CCSER1: variants seen among roughly 807,000 people sequenced by gnomAD.
The protein encoded by CCSER1 is serine-rich coiled-coil domain-containing protein 1.
In CCSER1, 41 loss-of-function variants were observed where a neutral mutation model predicts 82.0. The observed-to-expected ratio is 0.50, with a 90% CI of 0.39 to 0.65. The LOEUF (loss-of-function observed/expected upper bound fraction) is 0.65, where lower values mean the gene tolerates loss of function less well. Ranked by LOEUF, CCSER1 falls within the 30% of genes least tolerant of loss-of-function variation. The probability of loss-of-function intolerance (pLI) is 0.00; values close to 1 mark genes in which losing one functional copy is unlikely to be tolerated. For synonymous variants in CCSER1, 414 were observed against 383.9 expected, an observed-to-expected ratio of 1.08 and a Z score of -0.92; for missense variants, 1,119 against 1,064.2, an observed-to-expected ratio of 1.05 and a Z score of -0.72.
At chr4:91,390,926 A>G (rs546269484) in intron 10 of CCSER1, among the ~76,000 whole-genome samples, 3 of 152,106 alleles carry the variant, frequency 2.0e-5, no homozygotes, top group African/African-American at 7.2e-5. Context: ...TATATCTCCT[A>G]TCTCACTTCT....
chr4:90,646,860 A>C (rs1414138812), intron 6 of CCSER1, among the ~76,000 whole-genome samples: 1 of 152,150 alleles, frequency 6.6e-6, no homozygotes, highest in Non-Finnish European at 1.5e-5. Flanking sequence ...TTTGCCAGAC[A>C]GAGCAAAAGT....
Position 90,250,450 on chromosome 4 carries a change from G to A in CCSER1, c.-41-57794G>A, listed in dbSNP as rs527510925. 3.9e-5 allele frequency among the ~76,000 whole-genome samples: 6 copies of A among 152,008 alleles called. No individual in the cohort carries two copies. The South Asian group carries it at 1.0e-3, about 26-fold the overall frequency. ...CTTCATTGTTTTGTCCCTGGGTCTG[G>A]GACCATCTGATGAAAAGACAATTCT... On this transcript the variant is annotated intron_variant, in intron 1 of 10. Coordinates refer to ENST00000509176, the MANE Select transcript of CCSER1 (RefSeq NM_001145065.2).
chr4:90,158,672 C>G (rs951458667), intron 1 of CCSER1, among the ~76,000 whole-genome samples: 13 of 152,314 alleles, frequency 8.5e-5, no homozygotes, highest in African/African-American at 3.1e-4. Flanking sequence ...GGCGTAGGAC[C>G]CTCTGAGCCA....
chr4:90,369,129 G>A (rs909356348), intron 3 of CCSER1, among the ~76,000 whole-genome samples: 1 of 151,484 alleles, frequency 6.6e-6, no homozygotes, highest in Non-Finnish European at 1.5e-5. Flanking sequence ...CCACTGGTCT[G>A]GCTAATTAAT....
chr4:91,317,246 A>G (rs566682876), intron 10 of CCSER1, among the ~76,000 whole-genome samples: 4 of 152,072 alleles, frequency 2.6e-5, no homozygotes, highest in Non-Finnish European at 5.9e-5. Flanking sequence ...ATCTCTTCCT[A>G]CCAGTCTCTC....
At chr4:90,723,870 C>T (rs760121000) in intron 6 of CCSER1, 44 bp from the exon 7 acceptor site, 1 of 986,508 alleles carries the variant, frequency 1.0e-6, no homozygotes, top group South Asian at 2.5e-5. Flanking sequence ...GTCAAAATGA[C>T]TACAAAACAA....
At chr4:91,494,782 T>G (rs2110077627) in intron 10 of CCSER1, among the ~76,000 whole-genome samples, 1 of 151,944 alleles carries the variant, frequency 6.6e-6, no homozygotes, top group African/African-American at 2.4e-5. Flanking sequence ...CAATCTAATC[T>G]TTATAAAAAC....
chr4:90,644,380 G>C (rs899087088), intron 6 of CCSER1, among the ~76,000 whole-genome samples: 2 of 152,038 alleles, frequency 1.3e-5, no homozygotes. Context: ...TTCACTTGTG[G>C]CACCATGTTG....
intron 6 of CCSER1, among the ~76,000 whole-genome samples, chr4:90,649,328 T>A (rs926041589): frequency 1.7e-4 from 26 of 152,186 alleles, no homozygotes; most frequent in African/African-American, 6.3e-4. Flanking sequence ...GATTAATTAC[T>A]ATTATAAACA....
intron 9 of CCSER1, among the ~76,000 whole-genome samples, chr4:90,974,891 A>C (rs1461959072): frequency 7.9e-5 from 12 of 151,394 alleles, no homozygotes; most frequent in Admixed American, 6.6e-4. Flanking sequence ...ATAAAAACTT[A>C]TGTTCACACA....
At chr4:90,214,663 A>G (rs1740683683) in intron 1 of CCSER1, among the ~76,000 whole-genome samples, 2 of 152,192 alleles carry the variant, frequency 1.3e-5, no homozygotes, top group Non-Finnish European at 2.9e-5. Context: ...CAAAGGCACA[A>G]TCAGAGTTTC....
At chr4:91,318,306 T>A (rs1023505289) in intron 10 of CCSER1, among the ~76,000 whole-genome samples, 1 of 152,038 alleles carries the variant, frequency 6.6e-6, no homozygotes, top group African/African-American at 2.4e-5. Flanking sequence ...AAGTAAATAA[T>A]TTTTATAAGT....
intron 7 of CCSER1, among the ~76,000 whole-genome samples, chr4:90,810,390 G>A (rs141119824): frequency 2.6e-5 from 4 of 152,138 alleles, no homozygotes; most frequent in Non-Finnish European, 5.9e-5. Context: ...GCTCATGCCT[G>A]TAATCCCAGC....
intron 5 of CCSER1, among the ~76,000 whole-genome samples, chr4:90,594,647 A>T (rs918541113): frequency 1.3e-5 from 2 of 152,164 alleles, no homozygotes; most frequent in Non-Finnish European, 2.9e-5. Context: ...GTGGCAAAGA[A>T]ATAGAAAAGT....
intron 5 of CCSER1, among the ~76,000 whole-genome samples, chr4:90,474,972 T>C (rs566256460): frequency 1.3e-3 from 197 of 152,250 alleles, no homozygotes; most frequent in African/African-American, 4.3e-3. Flanking sequence ...GAATTAGTAA[T>C]AGTTTAATGA....
At chr4:91,046,933 G>A (rs920905804) in intron 9 of CCSER1, among the ~76,000 whole-genome samples, 31 of 152,064 alleles carry the variant, frequency 2.0e-4, no homozygotes, top group African/African-American at 7.2e-4. Context: ...GGCCAAGATG[G>A]TCTCGATCTC....
intron 8 of CCSER1, among the ~76,000 whole-genome samples, chr4:90,851,560 G>C (rs57906524): frequency 6.7e-6 from 1 of 149,322 alleles, no homozygotes; most frequent in Admixed American, 6.7e-5. Flanking sequence ...CATTTTATTG[G>C]CTACTTATAG....
chr4:91,099,343 T>C (rs1724830208), intron 10 of CCSER1, among the ~76,000 whole-genome samples: 1 of 152,178 alleles, frequency 6.6e-6, no homozygotes, highest in Non-Finnish European at 1.5e-5. Flanking sequence ...ACAGTGTGAA[T>C]TTAAGATCAA....
intron 8 of CCSER1, 23 bp downstream of exon 8, chr4:90,815,868 C>T (rs1758941260): frequency 6.7e-7 from 1 of 1,499,742 alleles, no homozygotes; most frequent in Non-Finnish European, 9.1e-7. Context: ...AATGCTTGGC[C>T]CACGAGTGTA....
Sources: allele counts gnomAD v4.1 joint callset (sites outside exome capture counted in the v4.1 genomes callset), GRCh38; gene constraint gnomAD v4.1.1; transcripts MANE v1.5; gene names NCBI Gene and HGNC (gene_info 2026-07-23, HGNC 2026-07-21).